Variants in CCDC7 observed in about 807,000 individuals in gnomAD.
CCDC7 encodes coiled-coil domain-containing protein 7.
Under a neutral mutation model 196.9 loss-of-function variants are expected in CCDC7, and 183 were observed. The observed-to-expected ratio is 0.93, with a 90% CI of 0.82 to 1.05. The LOEUF is 1.05. CCDC7 is among the 50% of genes least tolerant of loss of function. CCDC7 has a pLI of 0.00. For missense variants in CCDC7, 1,540 were observed against 1,482.2 expected, an observed-to-expected ratio of 1.04 and a Z score of -0.64; for synonymous variants, 525 against 484.6, an observed-to-expected ratio of 1.08 and a Z score of -1.10.
At chr10:32,724,485 A>G in intron 25 of CCDC7, among the ~76,000 whole-genome samples, 1 of 152,096 alleles carries the variant, frequency 6.6e-6, no homozygotes, top group Admixed American at 6.6e-5. Flanking sequence ...TACACAGGAA[A>G]GGGCCCAGCT....
At chr10:32,722,176 A>T in intron 25 of CCDC7, among the ~76,000 whole-genome samples, 1 of 152,134 alleles carries the variant, frequency 6.6e-6, no homozygotes, top group Non-Finnish European at 1.5e-5. Context: ...AGGTAAATTC[A>T]TGGTCCCCAT....
At chr10:32,712,188 G>A (rs1227000839) in intron 25 of CCDC7, among the ~76,000 whole-genome samples, 2 of 152,186 alleles carry the variant, frequency 1.3e-5, no homozygotes, top group African/African-American at 4.8e-5. Flanking sequence ...CCATTCAAAG[G>A]TAGTGGTCTT....
Position 32,517,873 on chromosome 10 carries a change from AAATG to A in CCDC7, c.873-71_873-68del, listed in dbSNP as rs2047287454. The A allele has an allele frequency of 2.0e-5, 31 of 1,531,356 alleles. 1 individual carries two copies. The South Asian group carries it at 3.2e-4, about 16-fold the overall frequency. 94.9% of individuals were successfully genotyped at this position (1,531,356 alleles called of 1,614,324 possible). ...CTGAATACCAAAAGAAAAAAAAAGA[AAATG>A]TGTGTGTTTCATAAATTAAAATATA... On this transcript the variant is annotated intron_variant, in intron 9 of 41. Coordinates refer to ENST00000639629, the Ensembl canonical transcript of CCDC7.
intron 20 of CCDC7, among the ~76,000 whole-genome samples, chr10:32,638,672 G>T (rs184994024): frequency 2.9e-4 from 44 of 152,294 alleles, no homozygotes; most frequent in Non-Finnish European, 5.3e-4. Flanking sequence ...GTTCATCAAG[G>T]ATATTGGTCT....
intron 41 of CCDC7, among the ~76,000 whole-genome samples, chr10:32,863,676 G>C (rs2094093889): frequency 6.6e-6 from 1 of 151,948 alleles, no homozygotes; most frequent in South Asian, 2.1e-4. Context: ...AATAAATGGT[G>C]CTGGGAAAAC....
chr10:32,594,970 T>C (rs767153439), intron 18 of CCDC7, among the ~76,000 whole-genome samples: 3 of 152,222 alleles, frequency 2.0e-5, no homozygotes, highest in Admixed American at 6.5e-5. Flanking sequence ...ATTGAGTATT[T>C]TTGCATCAAC....
At chr10:32,447,805 G>C (rs2031788855), upstream of CCDC7, among the ~76,000 whole-genome samples, 1 of 152,142 alleles carries the variant, frequency 6.6e-6, no homozygotes, top group Non-Finnish European at 1.5e-5. Flanking sequence ...GGGAGGCTGA[G>C]GCAGGAGAAT....
intron 16 of CCDC7, among the ~76,000 whole-genome samples, chr10:32,582,084 A>G (rs1330523210): frequency 7.3e-6 from 1 of 137,878 alleles, no homozygotes; most frequent in African/African-American, 2.6e-5. Context: ...CATAAATTCT[A>G]TGTTTTTTTA....
intron 13 of CCDC7, among the ~76,000 whole-genome samples, chr10:32,555,383 C>T (rs1445342918): frequency 6.6e-6 from 1 of 151,892 alleles, no homozygotes; most frequent in African/African-American, 2.4e-5. Context: ...GTAGCTGGGA[C>T]TATGGGCGGG....
chr10:32,677,985 G>A (rs1009650741), intron 21 of CCDC7, among the ~76,000 whole-genome samples: 5 of 151,804 alleles, frequency 3.3e-5, no homozygotes, highest in Non-Finnish European at 7.4e-5. Context: ...GCTTGATAAA[G>A]TCTGCTTTTG....
At chr10:32,853,933 A>C (rs1034713922) in intron 40 of CCDC7, among the ~76,000 whole-genome samples, 3 of 150,516 alleles carry the variant, frequency 2.0e-5, no homozygotes, top group Non-Finnish European at 4.5e-5. Context: ...GGTTTGTTAC[A>C]TGGGTATACT....
intron 28 of CCDC7, among the ~76,000 whole-genome samples, chr10:32,735,641 A>G (rs1303831183): frequency 2.0e-5 from 3 of 152,076 alleles, no homozygotes; most frequent in African/African-American, 7.2e-5. Context: ...CATTTTCTTA[A>G]CAGTGTCTTT....
intron 21 of CCDC7, among the ~76,000 whole-genome samples, chr10:32,681,851 A>G (rs1347180302): frequency 6.6e-6 from 1 of 152,008 alleles, no homozygotes; most frequent in Non-Finnish European, 1.5e-5. Flanking sequence ...CTGTAAAGTC[A>G]TATTTAGAAT....
intron 28 of CCDC7, among the ~76,000 whole-genome samples, chr10:32,744,069 A>G (rs1692910724): frequency 6.6e-6 from 1 of 151,714 alleles, no homozygotes; most frequent in African/African-American, 2.4e-5. Flanking sequence ...GCACATCAAC[A>G]TGGCACATGT....
downstream of CCDC7, among the ~76,000 whole-genome samples, chr10:32,880,449 T>C (rs1348854407): frequency 6.6e-6 from 1 of 152,236 alleles, no homozygotes; most frequent in Non-Finnish European, 1.5e-5. Flanking sequence ...GTTAGACCTT[T>C]GTCAGATGGA....
At chr10:32,778,878 G>A (rs921923351) in intron 28 of CCDC7, 99 bp from the exon 30 acceptor site, 6 of 810,646 alleles carry the variant, frequency 7.4e-6, no homozygotes, top group Non-Finnish European at 1.2e-5. Context: ...AGTTCTCGTT[G>A]TAGAGATCTT....
At chr10:32,708,504 C>CA (rs1386253361) in intron 24 of CCDC7, among the ~76,000 whole-genome samples, 4 of 152,258 alleles carry the variant, frequency 2.6e-5, no homozygotes, top group African/African-American at 9.6e-5. Context: ...TTCTGCACAG[C>CA]AAAAGAAACT....
chr10:32,810,346 A>G (rs377134009), intron 30 of CCDC7, among the ~76,000 whole-genome samples: 1 of 152,234 alleles, frequency 6.6e-6, no homozygotes, highest in South Asian at 2.1e-4. Flanking sequence ...CAAACAGAAA[A>G]CAAAAGTGAG....
At chr10:32,675,668 T>A (rs977868581) in intron 21 of CCDC7, 6 of 152,294 alleles carry the variant, frequency 3.9e-5, no homozygotes, top group African/African-American at 1.4e-4. Flanking sequence ...CTTTAAGAAT[T>A]CCCTTTATCG....
Sources: gnomAD v4.1 joint callset for allele counts (sites outside exome capture counted in the v4.1 genomes callset) on GRCh38, gnomAD v4.1.1 for gene constraint, MANE v1.5 for transcripts, NCBI Gene and HGNC (gene_info 2026-07-23, HGNC 2026-07-21) for gene names.